Variants in GTPBP1 observed in about 807,000 individuals in gnomAD.
The protein encoded by GTPBP1 is GTP-binding protein 1.
GTPBP1 carries 23 observed loss-of-function variants against 62.0 expected under a neutral mutation model. The ratio of observed to expected loss-of-function variants is 0.37; its 90% CI spans 0.27 to 0.53. The LOEUF (loss-of-function observed/expected upper bound fraction) is 0.53. GTPBP1 is among the 20% of genes least tolerant of loss of function. The pLI is 0.89. For synonymous variants in GTPBP1, 344 were observed against 364.4 expected (o/e 0.94, Z 0.64); for missense variants, 640 against 917.3 (o/e 0.70, Z 3.90).
chr22:38,736,395 A>C (rs1369024829), downstream of GTPBP1: 1 of 1,603,652 alleles, frequency 6.2e-7, no homozygotes, highest in Admixed American at 1.7e-5. Flanking sequence ...GTAGAGAAGA[A>C]AGGGATTAAG....
intron 4 of GTPBP1, among the ~76,000 whole-genome samples, chr22:38,720,849 C>T (rs1318484315): frequency 1.3e-5 from 2 of 152,156 alleles, no homozygotes; most frequent in African/African-American, 2.4e-5. Flanking sequence ...ATATTGTTAT[C>T]TCCCCATTTT....
chr22:38,715,872 C>G, intron 2 of GTPBP1, 35 bp from the exon 3 acceptor site: 1 of 1,565,722 alleles, frequency 6.4e-7, no homozygotes, highest in South Asian at 1.2e-5. Flanking sequence ...GGTCAGGACT[C>G]CCTCTCCTGC....
In GTPBP1 at chr22:38,716,330, C is replaced by T; in HGVS notation, c.485+243C>T. The T allele has an allele frequency of 1.7e-6, 1 of 585,388 alleles. No individual in the cohort carries two copies. Among genetic ancestry groups the T allele is most frequent in the Admixed American group, 3.1e-5 (1 of 32,346 alleles). 36.3% of individuals were successfully genotyped at this position (585,388 alleles called of 1,614,324 possible). On this transcript the variant is annotated intron_variant, in intron 3 of 11. Transcript: ENST00000216044. This position sits in a 1 kb window ranked among gnomAD's most constrained non-coding sequence, Gnocchi z 5.2. ...TCTGTGGGTGTGTTTCTTTTCCCTT[C>T]AGCCTGTGAGCCTGGAAACCAGGGT...
rs1234949198 is a variant in GTPBP1 at position 38,730,597 on chromosome 22, TTCTC to T, written c.1918-9_1918-6del. Reference sequence around the variant, plus strand: ...GATGGGCCAGTGCTTCTCAAGCTCCTTCTCTCTCTTTCAGCCTAAGCCCAGCAGT... The same window carrying T: ...GATGGGCCAGTGCTTCTCAAGCTCCTTCTCTTTCAGCCTAAGCCCAGCAGT... On this transcript the variant is annotated splice_polypyrimidine_tract_variant and intron_variant, in intron 11 of 11. Transcript: ENST00000216044. The surrounding 1 kb of genome is among the most constrained non-coding windows in gnomAD (Gnocchi z 5.6). 6.4e-7 allele frequency: 1 copy of T among 1,571,816 alleles called. No homozygotes were observed. Among genetic ancestry groups the T allele is most frequent in the East Asian group, 2.2e-5 (1 of 44,680 alleles).
At position 38,725,891 on chromosome 22, in the gene GTPBP1, T is replaced by C. The variant is rs768801923; in HGVS notation, c.1074-115T>C. The C allele has an allele frequency of 6.4e-5, 60 of 939,806 alleles. 1 individual carries two copies. The highest frequency in any genetic ancestry group is 9.6e-5 in the Non-Finnish European group (57 of 593,926). The allele number at this position is 939,806 out of a possible 1,614,324, so 58.2% of individuals were successfully genotyped here. A position where few individuals can be genotyped will look rare whatever the true frequency, so the allele number is the denominator to read the frequency against. ...GGCAGGTGAGGGAGAGGTGGAGTCA[T>C]GAATAGTGGCATCTGCTCCTCGAGC... On this transcript the variant is annotated intron_variant, in intron 6 of 11. Transcript: ENST00000216044.
intron 5 of GTPBP1, chr22:38,722,685 A>G: frequency 1.3e-6 from 2 of 1,577,916 alleles, no homozygotes; most frequent in Non-Finnish European, 8.6e-7. Flanking sequence ...TGATAAAAGC[A>G]GGCTTCAACT....
At chr22:38,739,538 T>G (rs2092836396), downstream of GTPBP1, 21 of 1,371,724 alleles carry the variant, frequency 1.5e-5, no homozygotes, top group South Asian at 2.6e-4. The surrounding 1 kb of genome is among the most constrained non-coding windows in gnomAD (Gnocchi z 6.7). Flanking sequence ...GCTTGCACTG[T>G]GCTGGTGCCC....
intron 4 of GTPBP1, 43 bp from the exon 5 acceptor site, chr22:38,721,699 T>C (rs1569281251): frequency 1.3e-6 from 2 of 1,577,746 alleles, no homozygotes; most frequent in Non-Finnish European, 1.7e-6. Flanking sequence ...AGCAGCAATC[T>C]CTTTCTCTCT....
chr22:38,710,752 G>A (rs552824915), intron 2 of GTPBP1, among the ~76,000 whole-genome samples: 1 of 152,234 alleles, frequency 6.6e-6, no homozygotes, highest in Admixed American at 6.5e-5. Flanking sequence ...AGAATTTCAG[G>A]AACCACATAT....
At chr22:38,709,219 G>A (rs2092624107) in intron 2 of GTPBP1, among the ~76,000 whole-genome samples, 1 of 152,130 alleles carries the variant, frequency 6.6e-6, no homozygotes, top group South Asian at 2.1e-4. Context: ...TTGAACCTGG[G>A]AGGCGGAGGT....
chr22:38,712,723 G>A (rs564711726), intron 2 of GTPBP1, among the ~76,000 whole-genome samples: 7 of 152,120 alleles, frequency 4.6e-5, no homozygotes, highest in African/African-American at 1.4e-4. Context: ...ACAAGGTGAC[G>A]TTGGTGATAG....
Position 38,727,089 on chromosome 22 carries a change from G to T in GTPBP1, c.1402-124G>T. On this transcript the variant is annotated intron_variant, in intron 8 of 11. Coordinates refer to ENST00000216044, the MANE Select transcript of GTPBP1 (RefSeq NM_004286.5). The surrounding 1 kb of genome is among the most constrained non-coding windows in gnomAD (Gnocchi z 6.5). ...ACCCTAGAAGGCCTGTGGTCCAGTT[G>T]GTGAGGAAACCAGGCAGAGTTGGGG... 1.1e-6 allele frequency: 1 copy of T among 903,280 alleles called. No homozygotes were observed. Among genetic ancestry groups the T allele is most frequent in the Non-Finnish European group, 1.6e-6 (1 of 610,786 alleles). 56.0% of individuals were successfully genotyped at this position (903,280 alleles called of 1,614,324 possible).
chr22:38,715,884 G>A, intron 2 of GTPBP1, 23 bp from the exon 3 acceptor site: 1 of 1,583,850 alleles, frequency 6.3e-7, no homozygotes, highest in Non-Finnish European at 8.6e-7. Context: ...CTCTCCTGCT[G>A]ATGTCTGGGC....
At chr22:38,741,667 T>C, downstream of GTPBP1, 1 of 1,191,128 alleles carries the variant, frequency 8.4e-7, no homozygotes, top group Non-Finnish European at 1.2e-6. Flanking sequence ...AAACAAGGTC[T>C]GTTTGCTTCC....
chr22:38,738,317 C>T (rs1464271210), downstream of GTPBP1: 2 of 1,471,644 alleles, frequency 1.4e-6, no homozygotes, highest in South Asian at 1.2e-5. This position sits in a 1 kb window ranked among gnomAD's most constrained non-coding sequence, Gnocchi z 6.6. Flanking sequence ...GGAGAACACC[C>T]CTCCCCACTC....
rs187738729 is a variant in GTPBP1 at position 38,727,386 on chromosome 22, G to T, written c.1537+38G>T. ...GGCCCTGCCAGCCCAGGAGGCCGTCGTGTTAGCTCCCCTCAGAAGGTGTTC... is the reference window on the plus strand; with the variant it reads ...GGCCCTGCCAGCCCAGGAGGCCGTCTTGTTAGCTCCCCTCAGAAGGTGTTC... On this transcript the variant is annotated intron_variant, in intron 9 of 11. Coordinates refer to ENST00000216044, the MANE Select transcript of GTPBP1 (RefSeq NM_004286.5). This position sits in a 1 kb window ranked among gnomAD's most constrained non-coding sequence, Gnocchi z 6.5. 5.4e-6 allele frequency: 8 copies of T among 1,491,310 alleles called. No individual in the cohort carries two copies. Among genetic ancestry groups the T allele is most frequent in the Non-Finnish European group, 7.2e-6 (8 of 1,116,232 alleles). The allele number at this position is 1,491,310 out of a possible 1,614,324, so 92.4% of individuals were successfully genotyped here.
chr22:38,737,873 G>A (rs1207695404), downstream of GTPBP1: 6 of 599,422 alleles, frequency 1.0e-5, no homozygotes, highest in Admixed American at 4.3e-5. The surrounding 1 kb of genome is among the most constrained non-coding windows in gnomAD (Gnocchi z 4.1). Flanking sequence ...GCGGCTCCTC[G>A]AACGCCTCTC....
downstream of GTPBP1, chr22:38,741,570 T>A: frequency 6.2e-7 from 1 of 1,614,004 alleles, no homozygotes; most frequent in Non-Finnish European, 8.5e-7. Flanking sequence ...AGACAGTTCT[T>A]CCTGTGAGAC....
chr22:38,736,378 G>C (rs751159582), downstream of GTPBP1: 3 of 1,611,842 alleles, frequency 1.9e-6, no homozygotes, highest in African/African-American at 2.7e-5. Flanking sequence ...CCATCGTAGG[G>C]GCCTGGGTAG....
Sources: gnomAD v4.1 joint callset for allele counts (sites outside exome capture counted in the v4.1 genomes callset) on GRCh38, gnomAD v4.1.1 for gene constraint, Gnocchi (gnomAD v3.1) non-coding constraint, MANE v1.5 for transcripts, NCBI Gene and HGNC (gene_info 2026-07-23, HGNC 2026-07-21) for gene names.